The following PTPRR variants were observed in gnomAD, a reference collection of about 807,000 sequenced individuals.
PTPRR encodes the protein protein tyrosine phosphatase receptor type R.
Under a neutral mutation model 77.2 loss-of-function variants are expected in PTPRR, and 38 were observed. The observed-to-expected ratio is 0.49, with a 90% CI of 0.38 to 0.65. The LOEUF (loss-of-function observed/expected upper bound fraction) is 0.65, where lower values mean the gene tolerates loss of function less well. Ranked by LOEUF, PTPRR falls within the 30% of genes least tolerant of loss-of-function variation. The pLI, the probability that PTPRR is intolerant of heterozygous loss-of-function variation, is 0.00. For missense variants in PTPRR, 744 were observed against 799.2 expected (o/e 0.93, Z 0.83); for synonymous variants, 299 against 283.1 (o/e 1.06, Z -0.57).
At chr12:70,760,751 C>T (rs558719658) in intron 4 of PTPRR, among the ~76,000 whole-genome samples, 1 of 152,312 alleles carries the variant, frequency 6.6e-6, no homozygotes, top group South Asian at 2.1e-4. Flanking sequence ...AGGTGTTACA[C>T]ATATTCCCTC....
chr12:70,669,092 A>G (rs1331158886), intron 10 of PTPRR, among the ~76,000 whole-genome samples: 2 of 152,128 alleles, frequency 1.3e-5, no homozygotes, highest in Non-Finnish European at 2.9e-5. Flanking sequence ...CATGGAGAAT[A>G]CTCATAATGT....
intron 2 of PTPRR, among the ~76,000 whole-genome samples, chr12:70,790,256 C>T (rs182934437): frequency 7.2e-5 from 11 of 152,166 alleles, no homozygotes; most frequent in Non-Finnish European, 4.4e-5. Flanking sequence ...CGCTTTCCAC[C>T]TCCCATTCTC....
chr12:70,638,180 T>C lies in PTPRR; in HGVS notation c.*1004A>G, dbSNP rs1449544494. 2 of 152,574 alleles carry C rather than the reference T, an allele frequency of 1.3e-5. No homozygotes were observed. Among genetic ancestry groups the C allele is most frequent in the African/African-American group, 4.8e-5 (2 of 41,412 alleles). The allele number at this position is 152,574 out of a possible 1,614,324, so 9.5% of individuals were successfully genotyped here. A position where few individuals can be genotyped will look rare whatever the true frequency, so the allele number is the denominator to read the frequency against. ...AGCTAGTGTTTGCTGAGGGTAGTTATTTTAATTTTTTTTGTCTCTTGAAGA... is the reference window on the plus strand; with the variant it reads ...AGCTAGTGTTTGCTGAGGGTAGTTACTTTAATTTTTTTTGTCTCTTGAAGA... On this transcript the variant is annotated 3_prime_UTR_variant, in exon 14 of 14. Transcript: ENST00000283228.
At chr12:70,729,173 T>C (rs969011000) in intron 6 of PTPRR, among the ~76,000 whole-genome samples, 2 of 152,140 alleles carry the variant, frequency 1.3e-5, no homozygotes, top group African/African-American at 4.8e-5. Flanking sequence ...AAATACACCA[T>C]AGACATTTAA....
intron 2 of PTPRR, among the ~76,000 whole-genome samples, chr12:70,838,293 A>T (rs369700074): frequency 6.6e-6 from 1 of 152,164 alleles, no homozygotes; most frequent in Non-Finnish European, 1.5e-5. Context: ...ATGAGGTTGC[A>T]TATTTACAGT....
intron 2 of PTPRR, among the ~76,000 whole-genome samples, chr12:70,778,209 T>C (rs776651016): frequency 6.8e-6 from 1 of 146,514 alleles, no homozygotes. Context: ...TTATTTCTAT[T>C]TTTTTTTCTC....
At chr12:70,884,967 T>C (rs2137108977) in intron 2 of PTPRR, among the ~76,000 whole-genome samples, 1 of 150,618 alleles carries the variant, frequency 6.6e-6, no homozygotes, top group Non-Finnish European at 1.5e-5. Context: ...TGAAATAGAA[T>C]GTTTTGTATC....
rs1373473014 is a variant in PTPRR, at chr12:70,864,414, T to C, written c.357+28265A>G. Among the ~76,000 whole-genome samples the C allele has an allele frequency of 3.9e-5, 6 of 152,188 alleles. No individual in the cohort carries two copies. In the South Asian group the frequency reaches 6.2e-4, roughly 16 times the overall value. On this transcript the variant is annotated intron_variant, in intron 2 of 13. Coordinates refer to ENST00000283228, the MANE Select transcript of PTPRR (RefSeq NM_002849.4). The stretch of plus-strand genomic sequence containing the variant: ...TCTGTGGTCAGAAGAGAGGGTCACA[T>C]GATCAATAGGGTTGATTTTCCAGGG...
chr12:70,800,897 TAA>T lies in PTPRR; in HGVS notation c.358-36121_358-36120del, dbSNP rs201965125. Reference sequence around the variant, plus strand: ...GAGACAAGAGCGAAACTCCATCTCATAAAAAAAAAAAAAAAAGTATTAATGAC... The same window carrying T: ...GAGACAAGAGCGAAACTCCATCTCATAAAAAAAAAAAAAAGTATTAATGAC... On this transcript the variant is annotated intron_variant, in intron 2 of 13. Transcript: ENST00000283228. 3.0e-3 allele frequency among the ~76,000 whole-genome samples: 352 copies of T among 117,880 alleles called. 4 individuals are homozygous for T. The highest frequency in any genetic ancestry group is 8.9e-3 in the African/African-American group (292 of 32,856). The allele number at this position is 117,880 out of a possible 152,430, so 77.3% of individuals were successfully genotyped here. A position where few individuals can be genotyped will look rare whatever the true frequency, so the allele number is the denominator to read the frequency against.
intron 2 of PTPRR, among the ~76,000 whole-genome samples, chr12:70,771,790 G>T (rs189885277): frequency 2.9e-3 from 441 of 152,174 alleles, no homozygotes; most frequent in Non-Finnish European, 5.5e-3. Context: ...GTTCCATAAG[G>T]CCTGTCTTGG....
intron 10 of PTPRR, among the ~76,000 whole-genome samples, chr12:70,671,082 T>A (rs1306384315): frequency 1.3e-5 from 2 of 152,188 alleles, no homozygotes; most frequent in East Asian, 3.8e-4. Flanking sequence ...CTCCATATGT[T>A]TTTTGGAGGA....
At chr12:70,747,880 A>T (rs1890262973) in intron 5 of PTPRR, among the ~76,000 whole-genome samples, 1 of 152,176 alleles carries the variant, frequency 6.6e-6, no homozygotes, top group African/African-American at 2.4e-5. Flanking sequence ...GCTACTTGGC[A>T]ATAGGGTAGT....
intron 2 of PTPRR, among the ~76,000 whole-genome samples, chr12:70,866,607 G>A (rs1892854739): frequency 6.6e-6 from 1 of 152,136 alleles, no homozygotes; most frequent in Admixed American, 6.6e-5. Context: ...AAAGGTACAA[G>A]GAGGAACTGG....
intron 2 of PTPRR, chr12:70,789,072 G>T: frequency 2.2e-6 from 1 of 456,144 alleles, no homozygotes; most frequent in Non-Finnish European, 3.8e-6. Context: ...CAGTTTACTA[G>T]AATTGAAATT....
intron 2 of PTPRR, among the ~76,000 whole-genome samples, chr12:70,787,433 G>C (rs900101199): frequency 4.6e-5 from 7 of 152,114 alleles, no homozygotes; most frequent in Admixed American, 1.3e-4. Flanking sequence ...TGTAGGGCAA[G>C]GTATTTTAGT....
intron 10 of PTPRR, among the ~76,000 whole-genome samples, chr12:70,680,356 A>C (rs1467619062): frequency 6.6e-6 from 1 of 152,184 alleles, no homozygotes; most frequent in East Asian, 1.9e-4. Context: ...TGGAATGGTC[A>C]ACTCTTTTAA....
intron 6 of PTPRR, among the ~76,000 whole-genome samples, chr12:70,710,297 G>C (rs1888778203): frequency 6.6e-6 from 1 of 152,030 alleles, no homozygotes; most frequent in African/African-American, 2.4e-5. Context: ...AACAAGCAAT[G>C]GGAAAGTATT....
At chr12:70,671,827 G>T (rs1430757438) in intron 10 of PTPRR, 1 of 563,192 alleles carries the variant, frequency 1.8e-6, no homozygotes. Flanking sequence ...GCAGTCATTG[G>T]TGCCAGTGCT....
intron 1 of PTPRR, among the ~76,000 whole-genome samples, chr12:70,907,431 G>A (rs1302418157): frequency 6.6e-6 from 1 of 152,082 alleles, no homozygotes; most frequent in African/African-American, 2.4e-5. Context: ...ACTTCTCCCT[G>A]TTTATCCATT....
Sources: gnomAD v4.1 joint callset for allele counts (sites outside exome capture counted in the v4.1 genomes callset) on GRCh38, gnomAD v4.1.1 for gene constraint, MANE v1.5 for transcripts, NCBI Gene and HGNC (gene_info 2026-07-23, HGNC 2026-07-21) for gene names.